Variants in BIRC6 observed in about 807,000 individuals in gnomAD.
BIRC6 encodes the protein baculoviral IAP repeat containing 6, also known as dual E2 ubiquitin-conjugating enzyme/E3 ubiquitin-protein ligase BIRC6.
In BIRC6, 98 loss-of-function variants were observed where a neutral mutation model predicts 503.3. The ratio of observed to expected loss-of-function variants is 0.19; its 90% CI spans 0.17 to 0.23. The LOEUF (loss-of-function observed/expected upper bound fraction) is 0.23, where lower values mean the gene tolerates loss of function less well. BIRC6 is among the 10% of genes least tolerant of loss of function. BIRC6 has a pLI of 1.00. For missense variants in BIRC6, 5,360 were observed against 5,806.0 expected, an observed-to-expected ratio of 0.92 and a Z score of 2.50; for synonymous variants, 2,240 against 2,078.7, an observed-to-expected ratio of 1.08 and a Z score of -2.11.
At chr2:32,464,479 CTA>C in intron 24 of BIRC6, 28 bp from the exon 25 acceptor site, 1 of 1,533,228 alleles carries the variant, frequency 6.5e-7, no homozygotes, top group South Asian at 1.2e-5. Context: ...CAGGATTAGT[CTA>C]TATATGTTGC....
chr2:32,438,660 C>T (rs181479866), intron 15 of BIRC6, among the ~76,000 whole-genome samples: 21 of 150,694 alleles, frequency 1.4e-4, no homozygotes, highest in Admixed American at 3.3e-4. Context: ...CCTGGGTTCA[C>T]GCCATTCTCC....
chr2:32,491,318 A>C (rs1055190042), intron 43 of BIRC6, 107 bp from the exon 44 acceptor site: 11 of 1,116,622 alleles, frequency 9.9e-6, no homozygotes, highest in African/African-American at 9.5e-5. Flanking sequence ...AACTGTAATT[A>C]CTAGGAATGT....
chr2:32,397,693 T>TATAC lies in BIRC6; in HGVS notation c.1034+2101_1034+2102insTACA, dbSNP rs1553396955. 6.9e-5 allele frequency among the ~76,000 whole-genome samples: 10 copies of TATAC among 144,652 alleles called. No individual in the cohort carries two copies. The East Asian group carries it at 1.0e-3, about 15-fold the overall frequency. The allele number at this position is 144,652 out of a possible 152,430, so 94.9% of individuals were successfully genotyped here. On this transcript the variant is annotated intron_variant, in intron 6 of 73. Coordinates refer to ENST00000421745, the MANE Select transcript of BIRC6 (RefSeq NM_016252.4). ...ATATATACACACACACATATATATGTACACACACACACACACACACATATA... is the reference window on the plus strand; with the variant it reads ...ATATATACACACACACATATATATGTATACACACACACACACACACACACATATA...
chr2:32,541,497 A>C (rs977983606), intron 61 of BIRC6, among the ~76,000 whole-genome samples: 11 of 152,110 alleles, frequency 7.2e-5, no homozygotes, highest in African/African-American at 2.4e-4. Context: ...CTAATCACAG[A>C]GTTACCTCAC....
chr2:32,496,111 A>C (rs915781319), intron 45 of BIRC6, among the ~76,000 whole-genome samples: 3 of 152,130 alleles, frequency 2.0e-5, no homozygotes, highest in African/African-American at 7.2e-5. Flanking sequence ...GATTACAGGC[A>C]TGAGCCACCG....
At chr2:32,541,578 A>T (rs1156547656) in intron 61 of BIRC6, among the ~76,000 whole-genome samples, 1 of 152,120 alleles carries the variant, frequency 6.6e-6, no homozygotes. Flanking sequence ...CTTAGGAATC[A>T]TCCTGATGTT....
intron 14 of BIRC6, 143 bp downstream of exon 14, chr2:32,435,728 G>T: frequency 1.1e-6 from 1 of 909,178 alleles, no homozygotes; most frequent in South Asian, 2.4e-5. Flanking sequence ...TTCTGCTTTG[G>T]CAATATGCTT....
At chr2:32,566,421 T>G (rs1325288128) in intron 65 of BIRC6, 3 of 152,244 alleles carry the variant, frequency 2.0e-5, no homozygotes, top group Admixed American at 6.5e-5. Context: ...GGTGTGATTA[T>G]GGCTCACTGC....
chr2:32,510,078 G>C (rs2054242660), intron 52 of BIRC6, 84 bp downstream of exon 52: 2 of 1,435,300 alleles, frequency 1.4e-6, no homozygotes, highest in Non-Finnish European at 1.9e-6. Context: ...GCTTAACTCT[G>C]TTTTGGGAAT....
chr2:32,574,926 TTAG>T, intron 65 of BIRC6: 3 of 532,540 alleles, frequency 5.6e-6, no homozygotes, highest in Non-Finnish European at 1.0e-5. Context: ...TTTTGTATTC[TTAG>T]TAGAGACAGG....
chr2:32,547,346 A>C (rs1418590521), intron 63 of BIRC6, among the ~76,000 whole-genome samples: 1 of 152,202 alleles, frequency 6.6e-6, no homozygotes, highest in Non-Finnish European at 1.5e-5. Flanking sequence ...ATTCTTAAAT[A>C]TAAGCAGTTT....
chr2:32,581,110 G>C (rs2060645587), intron 66 of BIRC6, among the ~76,000 whole-genome samples: 1 of 152,180 alleles, frequency 6.6e-6, no homozygotes, highest in African/African-American at 2.4e-5. Context: ...ATTGATAGAA[G>C]CTAAGTCGTT....
chr2:32,479,440 A>G (rs1350551424), intron 36 of BIRC6, 22 bp from the exon 37 acceptor site: 1 of 1,577,058 alleles, frequency 6.3e-7, no homozygotes, highest in Admixed American at 1.8e-5. Context: ...TTATTAAAAC[A>G]GGACTATCCC....
chr2:32,437,458 C>G (rs2044853760), intron 15 of BIRC6, among the ~76,000 whole-genome samples: 1 of 152,172 alleles, frequency 6.6e-6, no homozygotes, highest in African/African-American at 2.4e-5. Context: ...AACTGACCAA[C>G]TATATATCAG....
chr2:32,385,929 A>G (rs1373513398), intron 3 of BIRC6, among the ~76,000 whole-genome samples: 31 of 152,198 alleles, frequency 2.0e-4, no homozygotes, highest in Admixed American at 1.8e-3. Flanking sequence ...ATATCCTGAC[A>G]TGACCAGACC....
chr2:32,611,313 T>A, intron 72 of BIRC6, 135 bp from the exon 73 acceptor site: 1 of 420,326 alleles, frequency 2.4e-6, no homozygotes. Flanking sequence ...ATTCTAAATA[T>A]TAATTTAAAT....
chr2:32,378,301 A>G (rs1015938815), intron 2 of BIRC6, among the ~76,000 whole-genome samples: 5 of 151,914 alleles, frequency 3.3e-5, no homozygotes, highest in Non-Finnish European at 7.4e-5. Context: ...CACAACTCAA[A>G]TACTCTCTCA....
chr2:32,421,170 G>A (rs1198957964), intron 10 of BIRC6, among the ~76,000 whole-genome samples: 4 of 147,264 alleles, frequency 2.7e-5, no homozygotes, highest in South Asian at 2.2e-4. Context: ...GCAGTGGCTC[G>A]ATCTTGGCTA....
intron 49 of BIRC6, 115 bp from the exon 50 acceptor site, chr2:32,504,890 C>G: frequency 1.1e-6 from 1 of 934,836 alleles, no homozygotes; most frequent in South Asian, 1.7e-5. Context: ...TTACCAGCAT[C>G]AATTGTTCAT....
Sources: allele counts gnomAD v4.1 joint callset (sites outside exome capture counted in the v4.1 genomes callset), GRCh38; gene constraint gnomAD v4.1.1; transcripts MANE v1.5; gene names NCBI Gene and HGNC (gene_info 2026-07-23, HGNC 2026-07-21).